The following NXPE2 variants were observed in gnomAD, a reference collection of about 807,000 sequenced individuals.
NXPE2 encodes the protein neurexophilin and PC-esterase domain family member 2, also known as NXPE family member 2.
In NXPE2, 34 loss-of-function variants were observed where a neutral mutation model predicts 34.4. The ratio of observed to expected loss-of-function variants is 0.99; its 90% CI spans 0.75 to 1.31. The LOEUF is 1.31. NXPE2 is among the 40% of genes most tolerant of loss of function. NXPE2 has a pLI of 0.00. For missense variants in NXPE2, 649 were observed against 672.5 expected (o/e 0.97, Z 0.39); for synonymous variants, 235 against 231.3 (o/e 1.02, Z -0.15).
chr11:114,569,078 A>C, the NXPE2 span, among the ~76,000 whole-genome samples: 29 of 152,298 alleles, frequency 1.9e-4, no homozygotes, highest in African/African-American at 5.8e-4. Flanking sequence ...TGCTGCCCCC[A>C]AAAAACTGGA....
chr11:114,570,974 T>C, the NXPE2 span: 1 of 1,609,592 alleles, frequency 6.2e-7, no homozygotes, highest in South Asian at 1.1e-5. Flanking sequence ...TAATCTGATT[T>C]CCGACTACAT....
chr11:114,499,740 C>CTACCCCG, the NXPE2 span, among the ~76,000 whole-genome samples: 2 of 152,172 alleles, frequency 1.3e-5, no homozygotes, highest in African/African-American at 4.8e-5. Flanking sequence ...AACGCTTTCA[C>CTACCCCG]TACCCCAAAT....
At chr11:114,765,694 AC>A in the NXPE2 span, among the ~76,000 whole-genome samples, 8 of 152,062 alleles carry the variant, frequency 5.3e-5, no homozygotes, top group African/African-American at 1.4e-4. Context: ...ATTCATTCCT[AC>A]TTTCATCTGT....
At chr11:114,541,221 A>T in the NXPE2 span, among the ~76,000 whole-genome samples, 1 of 152,202 alleles carries the variant, frequency 6.6e-6, no homozygotes, top group African/African-American at 2.4e-5. Context: ...AACAGTCACA[A>T]TTCAAAATTA....
chr11:114,656,885 G>T, the NXPE2 span, among the ~76,000 whole-genome samples: 8 of 152,102 alleles, frequency 5.3e-5, no homozygotes, highest in Non-Finnish European at 1.2e-4. Flanking sequence ...AAGGTCAGGG[G>T]ATCGAGACCA....
the NXPE2 span, among the ~76,000 whole-genome samples, chr11:114,623,106 G>T: frequency 6.6e-6 from 1 of 152,146 alleles, no homozygotes; most frequent in South Asian, 2.1e-4. Flanking sequence ...TTGCCTGGCG[G>T]ATAAGCACTG....
At chr11:114,633,435 A>G in the NXPE2 span, among the ~76,000 whole-genome samples, 3 of 146,494 alleles carry the variant, frequency 2.0e-5, no homozygotes, top group East Asian at 2.0e-4. Flanking sequence ...AATATAGTAT[A>G]GTATACAATG....
At chr11:114,806,371 G>T in the NXPE2 span, among the ~76,000 whole-genome samples, 1 of 152,174 alleles carries the variant, frequency 6.6e-6, no homozygotes, top group Non-Finnish European at 1.5e-5. Context: ...TTGAGAGAAG[G>T]CAGCTTCAGA....
the NXPE2 span, among the ~76,000 whole-genome samples, chr11:114,641,120 C>T: frequency 2.6e-5 from 4 of 151,862 alleles, no homozygotes; most frequent in Non-Finnish European, 4.4e-5. Context: ...TAGTCTGGTG[C>T]ACGAGTAGAA....
the NXPE2 span, among the ~76,000 whole-genome samples, chr11:114,620,448 G>A: frequency 7.3e-4 from 111 of 151,160 alleles, no homozygotes; most frequent in African/African-American, 2.6e-3. Context: ...TACCCAGTGG[G>A]TATTAATTGT....
the NXPE2 span, chr11:114,512,967 G>A: frequency 2.9e-6 from 1 of 339,642 alleles, no homozygotes; most frequent in East Asian, 7.6e-5. Context: ...CACAGTGTTG[G>A]TGTCTCGCCC....
At chr11:114,485,731 G>A in the NXPE2 span, among the ~76,000 whole-genome samples, 1 of 152,042 alleles carries the variant, frequency 6.6e-6, no homozygotes, top group African/African-American at 2.4e-5. Flanking sequence ...GCTCCCACAA[G>A]TAAGTGAGAA....
chr11:114,602,014 A>G, the NXPE2 span, among the ~76,000 whole-genome samples: 72 of 90,578 alleles, frequency 7.9e-4, no homozygotes, highest in African/African-American at 3.0e-3. Flanking sequence ...GTATTATATT[A>G]TATATAATAT....
the NXPE2 span, among the ~76,000 whole-genome samples, chr11:114,572,786 A>T: frequency 3.3e-5 from 5 of 152,318 alleles, no homozygotes; most frequent in African/African-American, 1.2e-4. Context: ...TGGAAAACAT[A>T]TTTGAGGGAC....
the NXPE2 span, among the ~76,000 whole-genome samples, chr11:114,618,959 T>C: frequency 6.6e-6 from 1 of 152,052 alleles, no homozygotes; most frequent in Non-Finnish European, 1.5e-5. Flanking sequence ...TAGTACCGCA[T>C]GGGTAAACAC....
chr11:114,589,578 A>G, the NXPE2 span, among the ~76,000 whole-genome samples: 1 of 152,190 alleles, frequency 6.6e-6, no homozygotes, highest in African/African-American at 2.4e-5. Flanking sequence ...CATGTGGGCC[A>G]GCATACTTAT....
the NXPE2 span, among the ~76,000 whole-genome samples, chr11:114,781,180 G>A: frequency 6.6e-6 from 1 of 152,112 alleles, no homozygotes; most frequent in Admixed American, 6.5e-5. Context: ...TTTAATGTGG[G>A]GCTTGGGAGA....
the NXPE2 span, chr11:114,523,128 A>G: frequency 6.7e-7 from 1 of 1,482,908 alleles, no homozygotes; most frequent in Non-Finnish European, 9.4e-7. Flanking sequence ...TTTTATTGGC[A>G]AAACTTAGAC....
At chr11:114,634,917 T>A in the NXPE2 span, among the ~76,000 whole-genome samples, 15 of 152,062 alleles carry the variant, frequency 9.9e-5, no homozygotes, top group Non-Finnish European at 1.6e-4. Flanking sequence ...AGCTTTGTTC[T>A]TTTGGCTTAG....
Sources: allele counts gnomAD v4.1 joint callset (sites outside exome capture counted in the v4.1 genomes callset), GRCh38; gene constraint gnomAD v4.1.1; transcripts MANE v1.5; gene names NCBI Gene and HGNC (gene_info 2026-07-23, HGNC 2026-07-21).